The following SLC12A1 variants were observed in gnomAD, a reference collection of about 807,000 sequenced individuals.
SLC12A1 encodes solute carrier family 12 member 1.
SLC12A1 carries 89 observed loss-of-function variants against 130.4 expected under a neutral mutation model. The observed-to-expected ratio is 0.68, with a 90% CI of 0.58 to 0.81. The LOEUF is 0.81. Among genes scored for constraint, SLC12A1 ranks in the 40% least tolerant of loss-of-function variants. SLC12A1 has a pLI of 0.00. For synonymous variants in SLC12A1, 499 were observed against 460.0 expected, an observed-to-expected ratio of 1.08 and a Z score of -1.09; for missense variants, 1,310 against 1,336.4, an observed-to-expected ratio of 0.98 and a Z score of 0.31.
At chr15:48,260,392 A>G (rs1157621183) in intron 17 of SLC12A1, among the ~76,000 whole-genome samples, 3 of 147,526 alleles carry the variant, frequency 2.0e-5, no homozygotes, top group Non-Finnish European at 3.0e-5. Flanking sequence ...ACCACTGAAA[A>G]TTCTCAGCTA....
chr15:48,223,674 T>C (rs2041245141), intron 4 of SLC12A1: 1 of 152,210 alleles, frequency 6.6e-6, no homozygotes, highest in Non-Finnish European at 1.5e-5. Flanking sequence ...ACATTTTCTA[T>C]CAAGCTTCTT....
At chr15:48,232,149 G>C (rs1248252025) in intron 7 of SLC12A1, among the ~76,000 whole-genome samples, 1 of 152,196 alleles carries the variant, frequency 6.6e-6, no homozygotes, top group East Asian at 1.9e-4. Context: ...CCAGGTAAAG[G>C]AAACAGCATA....
intron 24 of SLC12A1, among the ~76,000 whole-genome samples, chr15:48,294,317 C>T (rs1360669655): frequency 2.2e-5 from 3 of 137,120 alleles, no homozygotes; most frequent in East Asian, 2.1e-4. Flanking sequence ...CACTGCACCT[C>T]AGCCTGGGCG....
chr15:48,248,593 T>C (rs1397827113), intron 13 of SLC12A1, among the ~76,000 whole-genome samples: 7 of 152,130 alleles, frequency 4.6e-5, no homozygotes. Context: ...TGCATTTGCA[T>C]CATTGCATCA....
chr15:48,251,317 G>A (rs2041645774), intron 14 of SLC12A1, among the ~76,000 whole-genome samples: 2 of 151,544 alleles, frequency 1.3e-5, no homozygotes, highest in Non-Finnish European at 2.9e-5. Context: ...GATACTAGAT[G>A]CTTAAGGTTT....
chr15:48,273,854 C>T (rs946958962), intron 19 of SLC12A1, among the ~76,000 whole-genome samples: 1 of 151,984 alleles, frequency 6.6e-6, no homozygotes, highest in Admixed American at 6.6e-5. Context: ...AAAGGACCTC[C>T]CAATGAAAAA....
chr15:48,244,857 A>T lies in SLC12A1; in HGVS notation c.1405A>T (p.Arg469Ter), dbSNP rs2041559629. The T allele has an allele frequency of 1.2e-6, 2 of 1,613,888 alleles. No individual in the cohort carries two copies. Among genetic ancestry groups the T allele is most frequent in the Non-Finnish European group, 1.7e-6 (2 of 1,179,884 alleles). Residue 469 changes from arginine (R) to a stop codon, truncating the protein, a stop_gained, in exon 11 of 27, where the codon AGA becomes TGA. Transcript: ENST00000380993. LOFTEE classifies it high-confidence loss of function. ...AACGLGYDFS[R>*]CRHEPCQYGL... ...ATGTGGGTTGGGCTATGACTTCTCA[A>T]GATGTCGACATGAACCATGTCAGTA... is the stretch of plus-strand genomic sequence containing the variant.
At chr15:48,260,718 C>T (rs903174740) in intron 17 of SLC12A1, among the ~76,000 whole-genome samples, 1 of 152,190 alleles carries the variant, frequency 6.6e-6, no homozygotes, top group Admixed American at 6.5e-5. Flanking sequence ...TCCAGCACCA[C>T]TACTTAAATC....
chr15:48,259,275 G>C lies in SLC12A1; in HGVS notation c.2118G>C (p.Lys706Asn). 1.9e-6 allele frequency: 3 copies of C among 1,613,848 alleles called. No individual in the cohort carries two copies. The highest frequency in any genetic ancestry group is 2.5e-6 in the Non-Finnish European group (3 of 1,179,782). Residue 706 changes from lysine to asparagine, a missense_variant, in exon 17 of 27, where the codon AAG (lysine) becomes AAC (asparagine). Transcript: ENST00000380993. ...TGGACATAACTCACGCCTTTACCAA[G>C]AACAGTGGCCTTTGCATCTGCTGTG... ...ALLDITHAFT[K>N]NSGLCICCEV...
chr15:48,241,869 C>A (rs1326755886), intron 10 of SLC12A1, among the ~76,000 whole-genome samples: 1 of 152,120 alleles, frequency 6.6e-6, no homozygotes, highest in Admixed American at 6.6e-5. Context: ...ATTTTACCAC[C>A]CTTGATGATA....
At position 48,302,767 on chromosome 15, in the gene SLC12A1, G is replaced by T; in HGVS notation, c.3182G>T (p.Arg1061Ile). 6.2e-7 allele frequency: 1 copy of T among 1,608,920 alleles called. No homozygotes were observed. The highest frequency in any genetic ancestry group is 8.5e-7 in the Non-Finnish European group (1 of 1,177,726). ...GTCATTAGGAGCCTTCCCGTGGCAA[G>T]AAAGGGATCCATATCGGATTTGTTG... ...NLIVLSLPVA[R>I]KGSISDLLYM... Residue 1061 changes from arginine (R) to isoleucine (I), a missense_variant, in exon 27 of 27, where the codon AGA becomes ATA. By Grantham distance (97) the Arg-to-Ile change is moderately conservative. Transcript: ENST00000380993.
chr15:48,239,517 A>AATAT (rs1312396399), intron 9 of SLC12A1, among the ~76,000 whole-genome samples: 1 of 149,406 alleles, frequency 6.7e-6, no homozygotes, highest in African/African-American at 2.5e-5. Context: ...CCCATCTCAA[A>AATAT]ATAAATAAAT....
intron 17 of SLC12A1, among the ~76,000 whole-genome samples, chr15:48,260,070 C>T (rs1014584459): frequency 1.3e-5 from 2 of 151,848 alleles, no homozygotes; most frequent in Non-Finnish European, 2.9e-5. Flanking sequence ...GAGTTCGAGA[C>T]CATGACGATC....
At chr15:48,259,669 A>G (rs1019233000) in intron 17 of SLC12A1, among the ~76,000 whole-genome samples, 4 of 152,230 alleles carry the variant, frequency 2.6e-5, no homozygotes, top group African/African-American at 9.6e-5. Flanking sequence ...ATAGAGCACT[A>G]TTATAGAGAT....
Position 48,223,021 on chromosome 15 carries a change from T to C in SLC12A1, c.628+2025T>C, listed in dbSNP as rs575109523. On this transcript the variant is annotated intron_variant, in intron 4 of 26. Transcript: ENST00000380993. Reference sequence around the variant, plus strand: ...CTTGCTGGGGCAAGATGGTTTCCAATAAATTTAACCATCAAGCAAGGAAGT... The same window carrying C: ...CTTGCTGGGGCAAGATGGTTTCCAACAAATTTAACCATCAAGCAAGGAAGT... 6.0e-4 allele frequency: 91 copies of C among 152,376 alleles called. 1 individual carries two copies. Among genetic ancestry groups the C allele is most frequent in the African/African-American group, 2.1e-3 (88 of 41,594 alleles). 9.4% of individuals were successfully genotyped at this position (152,376 alleles called of 1,614,324 possible).
At position 48,289,394 on chromosome 15, in the gene SLC12A1, CATATATATATATAT is replaced by C. The variant is rs10609887; in HGVS notation, c.2873+900_2873+913del. On this transcript the variant is annotated intron_variant, in intron 23 of 26. Transcript: ENST00000380993. The stretch of plus-strand genomic sequence containing the variant: ...AGGATGTATTATGCTGTGAATGTGA[CATATATATATATAT>C]ATATATATATATATATATATAATGT... 6.4e-3 allele frequency among the ~76,000 whole-genome samples: 722 copies of C among 112,866 alleles called. 22 individuals carry two copies. The highest frequency in any genetic ancestry group is 0.026 in the African/African-American group (691 of 26,418). 74.0% of individuals were successfully genotyped at this position (112,866 alleles called of 152,430 possible).
intron 2 of SLC12A1, among the ~76,000 whole-genome samples, chr15:48,215,945 T>C (rs2041115299): frequency 6.6e-6 from 1 of 152,242 alleles, no homozygotes; most frequent in East Asian, 1.9e-4. Flanking sequence ...TCCTAGTTTA[T>C]ACGGTGCAGG....
intron 20 of SLC12A1, among the ~76,000 whole-genome samples, chr15:48,276,977 T>C (rs991691967): frequency 6.6e-6 from 1 of 152,158 alleles, no homozygotes; most frequent in African/African-American, 2.4e-5. Flanking sequence ...GTAATCTTAG[T>C]GAGAGCAATT....
At position 48,239,358 on chromosome 15, in the gene SLC12A1, C is replaced by A. The variant is rs138964271; in HGVS notation, c.1216-2157C>A. Among the ~76,000 whole-genome samples the A allele has an allele frequency of 4.7e-3, 706 of 151,820 alleles. 3 individuals are homozygous for A. Among genetic ancestry groups the A allele is most frequent in the Non-Finnish European group, 7.6e-3 (514 of 67,944 alleles). Reference sequence around the variant, plus strand: ...AAACCGTGTCTCTACAAAACACACACAAAAAACTAGCTGGGCGTGGTGGCA... The same window carrying A: ...AAACCGTGTCTCTACAAAACACACAAAAAAAACTAGCTGGGCGTGGTGGCA... On this transcript the variant is annotated intron_variant, in intron 9 of 26. Transcript: ENST00000380993.
Sources: allele counts gnomAD v4.1 joint callset (sites outside exome capture counted in the v4.1 genomes callset), GRCh38; gene constraint gnomAD v4.1.1; transcripts MANE v1.5; gene names NCBI Gene and HGNC (gene_info 2026-07-23, HGNC 2026-07-21).